NHERF1: variants seen among roughly 807,000 people sequenced by gnomAD.
The protein encoded by NHERF1 is Na(+)/H(+) exchange regulatory cofactor NHE-RF1.
the NHERF1 span, among the ~76,000 whole-genome samples, chr17:74,760,508 G>T: frequency 6.6e-6 from 1 of 152,138 alleles, no homozygotes; most frequent in African/African-American, 2.4e-5. This position sits in a 1 kb window ranked among gnomAD's most constrained non-coding sequence, Gnocchi z 4.5. Context: ...AAAGGCTGGG[G>T]ATTGAGTCTC....
At chr17:74,750,798 C>T in the NHERF1 span, among the ~76,000 whole-genome samples, 3 of 123,368 alleles carry the variant, frequency 2.4e-5, no homozygotes, top group African/African-American at 6.0e-5. Flanking sequence ...GTTGCAGTCT[C>T]GTTCAGCTCC....
At chr17:74,757,446 AGGGCCACTACGCAGG>A in the NHERF1 span, among the ~76,000 whole-genome samples, 1 of 152,108 alleles carries the variant, frequency 6.6e-6, no homozygotes. Flanking sequence ...AGGTGACATC[AGGGCCACTACGCAGG>A]GGGCCAGTGA....
the NHERF1 span, among the ~76,000 whole-genome samples, chr17:74,756,894 C>T: frequency 6.6e-6 from 1 of 152,154 alleles, no homozygotes; most frequent in African/African-American, 2.4e-5. Context: ...GTGTTGAGCC[C>T]CAATTTCACA....
At chr17:74,762,070 A>G in the NHERF1 span, 15 of 1,613,994 alleles carry the variant, frequency 9.3e-6, no homozygotes, top group Non-Finnish European at 1.2e-5. This position sits in a 1 kb window ranked among gnomAD's most constrained non-coding sequence, Gnocchi z 4.2. Flanking sequence ...TATGGCTTCA[A>G]CCTGCACAGC....
the NHERF1 span, among the ~76,000 whole-genome samples, chr17:74,758,815 G>A: frequency 5.3e-5 from 8 of 152,134 alleles, no homozygotes; most frequent in Non-Finnish European, 7.4e-5. The surrounding 1 kb of genome is among the most constrained non-coding windows in gnomAD (Gnocchi z 4.3). Context: ...GGCTGAGCTC[G>A]GCCAGGTACC....
chr17:74,757,992 C>T, the NHERF1 span, among the ~76,000 whole-genome samples: 3 of 152,204 alleles, frequency 2.0e-5, no homozygotes, highest in African/African-American at 4.8e-5. Flanking sequence ...CTAGCTGGCT[C>T]GAAGGAAGCG....
At chr17:74,765,254 TTTTC>T in the NHERF1 span, among the ~76,000 whole-genome samples, 1 of 151,996 alleles carries the variant, frequency 6.6e-6, no homozygotes, top group Non-Finnish European at 1.5e-5. Flanking sequence ...TTTTCTCTTT[TTTTC>T]TTTTTCTTTT....
chr17:74,766,493 A>G, the NHERF1 span, among the ~76,000 whole-genome samples: 1 of 151,984 alleles, frequency 6.6e-6, no homozygotes, highest in African/African-American at 2.4e-5. Context: ...GTGAGCCACT[A>G]TGCCTGGCCC....
chr17:74,761,011 G>T, the NHERF1 span, among the ~76,000 whole-genome samples: 1 of 152,248 alleles, frequency 6.6e-6, no homozygotes, highest in African/African-American at 2.4e-5. This position sits in a 1 kb window ranked among gnomAD's most constrained non-coding sequence, Gnocchi z 4.3. Context: ...AGGGACTCAG[G>T]CGTAGTCCTT....
the NHERF1 span, among the ~76,000 whole-genome samples, chr17:74,762,515 G>A: frequency 6.6e-6 from 1 of 152,004 alleles, no homozygotes; most frequent in Non-Finnish European, 1.5e-5. This position sits in a 1 kb window ranked among gnomAD's most constrained non-coding sequence, Gnocchi z 4.2. Flanking sequence ...AGAGTGGGGT[G>A]GCAGTAACAA....
the NHERF1 span, among the ~76,000 whole-genome samples, chr17:74,760,527 G>C: frequency 5.3e-5 from 8 of 151,068 alleles, no homozygotes; most frequent in East Asian, 1.5e-3. This position sits in a 1 kb window ranked among gnomAD's most constrained non-coding sequence, Gnocchi z 4.5. Context: ...TCCTGCAGAT[G>C]GTGGCGGCCT....
At chr17:74,754,187 A>C in the NHERF1 span, among the ~76,000 whole-genome samples, 2 of 151,620 alleles carry the variant, frequency 1.3e-5, no homozygotes, top group South Asian at 2.1e-4. Flanking sequence ...AAGAAAGAAG[A>C]AGCTCAGCCG....
the NHERF1 span, among the ~76,000 whole-genome samples, chr17:74,749,986 T>C: frequency 6.6e-6 from 1 of 152,028 alleles, no homozygotes; most frequent in Admixed American, 6.5e-5. The surrounding 1 kb of genome is among the most constrained non-coding windows in gnomAD (Gnocchi z 5.6). Flanking sequence ...TTTACGATTC[T>C]CAGGAATGTG....
the NHERF1 span, among the ~76,000 whole-genome samples, chr17:74,756,421 G>A: frequency 6.6e-6 from 1 of 151,710 alleles, no homozygotes; most frequent in African/African-American, 2.4e-5. Flanking sequence ...TGGGACCACA[G>A]GTGTGCACCA....
At chr17:74,758,002 G>A in the NHERF1 span, among the ~76,000 whole-genome samples, 12 of 152,338 alleles carry the variant, frequency 7.9e-5, no homozygotes, top group East Asian at 1.9e-4. This position sits in a 1 kb window ranked among gnomAD's most constrained non-coding sequence, Gnocchi z 4.3. Context: ...CGAAGGAAGC[G>A]GGCTGGGCTG....
chr17:74,749,081 A>G, the NHERF1 span: 1 of 1,590,164 alleles, frequency 6.3e-7, no homozygotes, highest in Non-Finnish European at 8.5e-7. This position sits in a 1 kb window ranked among gnomAD's most constrained non-coding sequence, Gnocchi z 5.6. Context: ...GGTGAGCCGC[A>G]TCCGCGCCGC....
chr17:74,753,717 C>T, the NHERF1 span, among the ~76,000 whole-genome samples: 1 of 147,806 alleles, frequency 6.8e-6, no homozygotes, highest in African/African-American at 2.5e-5. Flanking sequence ...AGTGAGACCT[C>T]GTCTCTACCA....
At chr17:74,764,218 C>A in the NHERF1 span, among the ~76,000 whole-genome samples, 2 of 152,236 alleles carry the variant, frequency 1.3e-5, no homozygotes, top group African/African-American at 4.8e-5. The surrounding 1 kb of genome is among the most constrained non-coding windows in gnomAD (Gnocchi z 4.9). Context: ...CTGGGCCATA[C>A]TGAGGGTGGA....
the NHERF1 span, chr17:74,763,115 T>G: frequency 2.9e-5 from 12 of 410,764 alleles, no homozygotes; most frequent in East Asian, 8.3e-5. Context: ...CTCCCAGCTG[T>G]GTTTGTTTAG....
Sources: allele counts gnomAD v4.1 joint callset (sites outside exome capture counted in the v4.1 genomes callset), GRCh38; gene constraint gnomAD v4.1.1; non-coding constraint Gnocchi (gnomAD v3.1); transcripts MANE v1.5; gene names NCBI Gene and HGNC (gene_info 2026-07-23, HGNC 2026-07-21).